The following SARDH variants were observed in gnomAD, a reference collection of about 807,000 sequenced individuals.
SARDH encodes sarcosine dehydrogenase.
SARDH carries 95 observed loss-of-function variants against 109.1 expected under a neutral mutation model. That is an observed-to-expected ratio of 0.87 (90% CI 0.74 to 1.03). The LOEUF (loss-of-function observed/expected upper bound fraction) is 1.03. SARDH is among the 50% of genes least tolerant of loss of function. SARDH has a pLI of 0.00. For missense variants in SARDH, 1,267 were observed against 1,287.8 expected (o/e 0.98, Z 0.25); for synonymous variants, 572 against 534.8 (o/e 1.07, Z -0.96).
At chr9:133,682,851 T>C (rs575836655) in intron 17 of SARDH, among the ~76,000 whole-genome samples, 7 of 139,638 alleles carry the variant, frequency 5.0e-5, no homozygotes, top group East Asian at 2.0e-4. Flanking sequence ...GCAGTGATGG[T>C]TGGAAACTGC....
At chr9:133,738,559 C>G (rs187131018), upstream of SARDH, among the ~76,000 whole-genome samples, 405 of 152,312 alleles carry the variant, frequency 2.7e-3, 1 homozygote, top group African/African-American at 9.4e-3. Flanking sequence ...GTCACCCTTC[C>G]GCTCCAACCC....
Position 133,712,893 on chromosome 9 carries a change from G to T in SARDH, c.1237+145C>A. On this transcript the variant is annotated intron_variant, in intron 9 of 20. Coordinates refer to ENST00000439388, the MANE Select transcript of SARDH (RefSeq NM_001134707.2). The surrounding 1 kb of genome is among the most constrained non-coding windows in gnomAD (Gnocchi z 4.1). Reference sequence around the variant, plus strand: ...GACCCTGGCACAGGTGCACTCTCTGGGAAGCAGAAGGGGCTGGACTCCCCA... The same window carrying T: ...GACCCTGGCACAGGTGCACTCTCTGTGAAGCAGAAGGGGCTGGACTCCCCA... 1 of 976,732 alleles carries T rather than the reference G, an allele frequency of 1.0e-6. No homozygotes were observed. Among genetic ancestry groups the T allele is most frequent in the South Asian group, 1.5e-5 (1 of 68,038 alleles). 60.5% of individuals were successfully genotyped at this position (976,732 alleles called of 1,614,324 possible). A position where few individuals can be genotyped will look rare whatever the true frequency, so the allele number is the denominator to read the frequency against.
chr9:133,667,764 G>A (rs907684386), intron 19 of SARDH, among the ~76,000 whole-genome samples: 4 of 152,132 alleles, frequency 2.6e-5, no homozygotes, highest in Non-Finnish European at 5.9e-5. Flanking sequence ...TGGAGTCACT[G>A]TTTGGGTCCC....
chr9:133,705,038 A>G lies in SARDH; in HGVS notation c.1471-7T>C, dbSNP rs1392687264. 2.5e-6 allele frequency: 4 copies of G among 1,585,014 alleles called. No homozygotes were observed. Among genetic ancestry groups the G allele is most frequent in the Non-Finnish European group, 3.4e-6 (4 of 1,166,240 alleles). Reference sequence around the variant, plus strand: ...AGCCTTGTCCAAGGAGTTCCTGAGCAGGAGTGGGGAACAGGCATCTGTCAC... The same window carrying G: ...AGCCTTGTCCAAGGAGTTCCTGAGCGGGAGTGGGGAACAGGCATCTGTCAC... On this transcript the variant is annotated splice_polypyrimidine_tract_variant and splice_region_variant and intron_variant, in intron 11 of 20. Transcript: ENST00000439388.
chr9:133,682,309 G>A (rs921740393), intron 17 of SARDH, among the ~76,000 whole-genome samples: 2 of 152,232 alleles, frequency 1.3e-5, no homozygotes, highest in African/African-American at 4.8e-5. Flanking sequence ...ATAAAGCAGT[G>A]TGTACAGACT....
chr9:133,689,453 T>A (rs1831013093), intron 16 of SARDH, among the ~76,000 whole-genome samples: 1 of 151,992 alleles, frequency 6.6e-6, no homozygotes, highest in East Asian at 1.9e-4. Context: ...TAGGCCGTTT[T>A]CTCACAGAGG....
chr9:133,695,655 T>C (rs1831258976), intron 14 of SARDH, among the ~76,000 whole-genome samples: 2 of 141,814 alleles, frequency 1.4e-5, no homozygotes, highest in African/African-American at 5.2e-5. Context: ...ATTGGTGTTG[T>C]TTTAAGCCAC....
chr9:133,685,583 A>T (rs1274177823), intron 16 of SARDH, among the ~76,000 whole-genome samples: 1 of 152,148 alleles, frequency 6.6e-6, no homozygotes. Context: ...CAGAGTGGTT[A>T]TCTAACCATA....
intron 11 of SARDH, 75 bp downstream of exon 11, chr9:133,708,212 T>C (rs572019196): frequency 6.6e-7 from 1 of 1,514,694 alleles, no homozygotes; most frequent in South Asian, 1.3e-5. Context: ...CACCTTGCAT[T>C]TCTGTCACTC....
chr9:133,677,345 G>A lies in SARDH; in HGVS notation c.2164-5648C>T, dbSNP rs116064739. Reference sequence around the variant, plus strand: ...GACCCAGACAGAGCTTATTACGCACGATTCTTGTTGAAAGAATCCGTAGGG... The same window carrying A: ...GACCCAGACAGAGCTTATTACGCACAATTCTTGTTGAAAGAATCCGTAGGG... On this transcript the variant is annotated intron_variant, in intron 17 of 20. Coordinates refer to ENST00000439388, the MANE Select transcript of SARDH (RefSeq NM_001134707.2). 4.4e-3 allele frequency among the ~76,000 whole-genome samples: 669 copies of A among 152,256 alleles called. 2 individuals carry two copies. The highest frequency in any genetic ancestry group is 0.013 in the African/African-American group (536 of 41,544).
chr9:133,679,231 G>A (rs148658180), intron 17 of SARDH, among the ~76,000 whole-genome samples: 2 of 152,304 alleles, frequency 1.3e-5, no homozygotes, highest in South Asian at 2.1e-4. Flanking sequence ...CATGATATCG[G>A]GTATCTGTCT....
At chr9:133,683,051 G>T (rs538675372) in intron 17 of SARDH, among the ~76,000 whole-genome samples, 1 of 152,338 alleles carries the variant, frequency 6.6e-6, no homozygotes, top group South Asian at 2.1e-4. Context: ...GCTGTGTTTG[G>T]CCTGGCCTGT....
chr9:133,738,540 G>A (rs997746764), upstream of SARDH, among the ~76,000 whole-genome samples: 3 of 152,206 alleles, frequency 2.0e-5, no homozygotes, highest in Non-Finnish European at 4.4e-5. Flanking sequence ...ACCCGTAGGC[G>A]ACCTGGCAGT....
rs187046234 is a variant in SARDH at position 133,686,208 on chromosome 9, G to A, written c.2070-922C>T. On this transcript the variant is annotated intron_variant, in intron 16 of 20. Coordinates refer to ENST00000439388, the MANE Select transcript of SARDH (RefSeq NM_001134707.2). This position sits in a 1 kb window ranked among gnomAD's most constrained non-coding sequence, Gnocchi z 4.0. The stretch of plus-strand genomic sequence containing the variant: ...ATTCGCTCCCCACTTTCCCTGCTCC[G>A]TGGTACCCAGCACCACATCTACTCT... Among the ~76,000 whole-genome samples the A allele has an allele frequency of 2.6e-4, 39 of 152,122 alleles. No homozygotes were observed. The highest frequency in any genetic ancestry group is 7.5e-4 in the African/African-American group (31 of 41,506).
intron 6 of SARDH, among the ~76,000 whole-genome samples, chr9:133,721,029 G>A (rs942106960): frequency 6.6e-6 from 1 of 152,198 alleles, no homozygotes; most frequent in African/African-American, 2.4e-5. Flanking sequence ...AAGAATATCA[G>A]AAGGTCCGTC....
At chr9:133,665,727 C>G (rs180977567) in intron 20 of SARDH, among the ~76,000 whole-genome samples, 1 of 152,340 alleles carries the variant, frequency 6.6e-6, no homozygotes, top group Non-Finnish European at 1.5e-5. Context: ...CCCATTGGGC[C>G]TGCGAGCTGG....
At chr9:133,735,341 C>T (rs1465111533) in intron 1 of SARDH, among the ~76,000 whole-genome samples, 1 of 152,196 alleles carries the variant, frequency 6.6e-6, no homozygotes, top group Non-Finnish European at 1.5e-5. Context: ...CCCCTCTGCT[C>T]CTTCCCAGCT....
At position 133,712,765 on chromosome 9, in the gene SARDH, G is replaced by A. The variant is rs1831973892; in HGVS notation, c.1238-56C>T. 2.7e-6 allele frequency: 4 copies of A among 1,504,022 alleles called. No individual in the cohort carries two copies. In the Admixed American group the frequency reaches 6.7e-5, roughly 25 times the overall value. 93.2% of individuals were successfully genotyped at this position (1,504,022 alleles called of 1,614,324 possible). On this transcript the variant is annotated intron_variant, in intron 9 of 20. Transcript: ENST00000439388. This position sits in a 1 kb window ranked among gnomAD's most constrained non-coding sequence, Gnocchi z 4.1. The stretch of plus-strand genomic sequence containing the variant: ...CTGCCCCCCAGGGTCCCCCACCCAT[G>A]TCCAAACATGTGCCCCCATCTCCAC...
At position 133,709,442 on chromosome 9, in the gene SARDH, C is replaced by T. The variant is rs1391081723; in HGVS notation, c.1329-1014G>A. Among the ~76,000 whole-genome samples, 1 of 152,180 alleles carries T rather than the reference C, an allele frequency of 6.6e-6. No individual in the cohort carries two copies. Among genetic ancestry groups the T allele is most frequent in the Non-Finnish European group, 1.5e-5 (1 of 68,024 alleles). ...CCCACGCACAAACCTCCCTGTCAGCCCCCGGCTTTCCCAGCACCCCGCCTC... is the reference window on the plus strand; with the variant it reads ...CCCACGCACAAACCTCCCTGTCAGCTCCCGGCTTTCCCAGCACCCCGCCTC... On this transcript the variant is annotated intron_variant, in intron 10 of 20. Coordinates refer to ENST00000439388, the MANE Select transcript of SARDH (RefSeq NM_001134707.2). The surrounding 1 kb of genome is among the most constrained non-coding windows in gnomAD (Gnocchi z 4.2).
Sources: allele counts gnomAD v4.1 joint callset (sites outside exome capture counted in the v4.1 genomes callset), GRCh38; gene constraint gnomAD v4.1.1; non-coding constraint Gnocchi (gnomAD v3.1); transcripts MANE v1.5; gene names NCBI Gene and HGNC (gene_info 2026-07-23, HGNC 2026-07-21).